CADM2: variants seen among roughly 807,000 people sequenced by gnomAD.
CADM2 encodes cell adhesion molecule 2, also known as immunoglobulin superfamily member 4D.
A neutral mutation model predicts 49.8 loss-of-function variants in CADM2; 12 were observed. The observed-to-expected ratio is 0.24, with a 90% CI of 0.15 to 0.39. The LOEUF is 0.39. Ranked by LOEUF, CADM2 falls within the 10% of genes least tolerant of loss-of-function variation. The probability of loss-of-function intolerance (pLI) is 1.00; values close to 1 mark genes in which losing one functional copy is unlikely to be tolerated. For missense variants in CADM2, 378 were observed against 492.3 expected, an observed-to-expected ratio of 0.77 and a Z score of 2.20; for synonymous variants, 214 against 175.4, an observed-to-expected ratio of 1.22 and a Z score of -1.74.
chr3:85,117,995 T>A (rs2038706275), intron 1 of CADM2, among the ~76,000 whole-genome samples: 1 of 152,164 alleles, frequency 6.6e-6, no homozygotes, highest in African/African-American at 2.4e-5. Context: ...TTGAAGTTTT[T>A]AAAAATCTTT....
intron 1 of CADM2, among the ~76,000 whole-genome samples, chr3:85,406,884 A>C (rs1390003120): frequency 1.3e-5 from 2 of 152,102 alleles, no homozygotes; most frequent in Non-Finnish European, 2.9e-5. Context: ...TACATAGAAG[A>C]CATTATTTGA....
chr3:85,385,750 A>ACAT (rs1348938277), intron 1 of CADM2: 1 of 150,618 alleles, frequency 6.6e-6, no homozygotes, highest in African/African-American at 2.4e-5. Flanking sequence ...TATGTTTTGG[A>ACAT]CATAGAAACA....
intron 1 of CADM2, among the ~76,000 whole-genome samples, chr3:84,978,783 ACAT>A (rs1212789593): frequency 6.6e-6 from 1 of 152,200 alleles, no homozygotes; most frequent in African/African-American, 2.4e-5. Context: ...ATAAAACCAA[ACAT>A]CATAATAGGC....
chr3:85,106,622 A>T, intron 1 of CADM2, among the ~76,000 whole-genome samples: 1 of 152,190 alleles, frequency 6.6e-6, no homozygotes, highest in African/African-American at 2.4e-5. Flanking sequence ...TGTAAAATAT[A>T]TCCATCTAAA....
At chr3:85,608,817 G>A (rs1484508143) in intron 1 of CADM2, among the ~76,000 whole-genome samples, 1 of 151,876 alleles carries the variant, frequency 6.6e-6, no homozygotes, top group South Asian at 2.1e-4. Flanking sequence ...TAATAATCTA[G>A]TAAACAAGAA....
chr3:85,291,583 G>A (rs537035391), intron 1 of CADM2, among the ~76,000 whole-genome samples: 17 of 147,216 alleles, frequency 1.2e-4, no homozygotes, highest in South Asian at 2.1e-4. Flanking sequence ...GACTAACAGC[G>A]GATCTCTTGG....
chr3:85,949,436 A>G (rs1049203277), intron 7 of CADM2, among the ~76,000 whole-genome samples: 1 of 151,262 alleles, frequency 6.6e-6, no homozygotes, highest in Non-Finnish European at 1.5e-5. Context: ...TAGGGGAAAA[A>G]ATATGTTAAG....
intron 7 of CADM2, among the ~76,000 whole-genome samples, chr3:85,951,211 T>G (rs1723385099): frequency 6.6e-6 from 1 of 151,030 alleles, no homozygotes; most frequent in South Asian, 2.1e-4. Context: ...CCAGAAATAT[T>G]TAAAACAAAA....
intron 1 of CADM2, among the ~76,000 whole-genome samples, chr3:85,596,231 T>C (rs2063235999): frequency 6.6e-6 from 1 of 151,910 alleles, no homozygotes; most frequent in African/African-American, 2.4e-5. Context: ...TGAGGTATCT[T>C]ATGAATCATA....
At chr3:85,410,221 C>T (rs1222935104) in intron 1 of CADM2, among the ~76,000 whole-genome samples, 2 of 152,162 alleles carry the variant, frequency 1.3e-5, no homozygotes, top group South Asian at 2.1e-4. Flanking sequence ...CATATCGCCA[C>T]TAAGGCATAT....
At chr3:85,807,208 A>G (rs753796109) in intron 3 of CADM2, among the ~76,000 whole-genome samples, 3 of 152,136 alleles carry the variant, frequency 2.0e-5, no homozygotes, top group Non-Finnish European at 4.4e-5. Flanking sequence ...ACATAGATTA[A>G]GACAGAAGGG....
intron 7 of CADM2, among the ~76,000 whole-genome samples, chr3:85,948,928 C>T (rs77040616): frequency 3.3e-5 from 5 of 151,334 alleles, no homozygotes; most frequent in South Asian, 4.1e-4. Flanking sequence ...TTTATAAAGA[C>T]GGATAATAGA....
intron 5 of CADM2, among the ~76,000 whole-genome samples, chr3:85,911,486 A>C (rs1464113980): frequency 6.6e-6 from 1 of 152,226 alleles, no homozygotes; most frequent in African/African-American, 2.4e-5. Flanking sequence ...AAGAGCATTC[A>C]TCTCAATGTA....
At chr3:85,991,486 CA>C in intron 8 of CADM2, among the ~76,000 whole-genome samples, 1 of 152,006 alleles carries the variant, frequency 6.6e-6, no homozygotes. Context: ...AATTTTTAAA[CA>C]AAAGTAAGCC....
chr3:85,596,884 T>A (rs2063258608), intron 1 of CADM2, among the ~76,000 whole-genome samples: 1 of 152,036 alleles, frequency 6.6e-6, no homozygotes, highest in Non-Finnish European at 1.5e-5. Flanking sequence ...GCCCAGCTAA[T>A]TTTTGCATTT....
At chr3:85,568,413 TTC>T (rs200461869) in intron 1 of CADM2, among the ~76,000 whole-genome samples, 877 of 42,204 alleles carry the variant, frequency 0.021, 32 homozygotes, top group African/African-American at 0.041. Context: ...CTTTCTTTCT[TTC>T]TTTCTTTCTT....
intron 1 of CADM2, among the ~76,000 whole-genome samples, chr3:85,190,928 T>G (rs1314220014): frequency 6.6e-6 from 1 of 152,154 alleles, no homozygotes; most frequent in African/African-American, 2.4e-5. Context: ...TTCATTTAAT[T>G]TGATCTTTAG....
intron 1 of CADM2, among the ~76,000 whole-genome samples, chr3:85,422,107 C>T (rs2036198588): frequency 6.6e-6 from 1 of 152,146 alleles, no homozygotes; most frequent in African/African-American, 2.4e-5. Context: ...ATTATGTATT[C>T]TGATCTGCAT....
At chr3:85,348,530 C>A (rs2031002617) in intron 1 of CADM2, among the ~76,000 whole-genome samples, 1 of 152,062 alleles carries the variant, frequency 6.6e-6, no homozygotes, top group Non-Finnish European at 1.5e-5. Context: ...CAGTTCCTTT[C>A]CAAAAATTAT....
Sources: allele counts gnomAD v4.1 joint callset (sites outside exome capture counted in the v4.1 genomes callset), GRCh38; gene constraint gnomAD v4.1.1; transcripts MANE v1.5; gene names NCBI Gene and HGNC (gene_info 2026-07-23, HGNC 2026-07-21).